The following IQCM variants were observed in gnomAD, a reference collection of about 807,000 sequenced individuals.
IQCM encodes the protein IQ domain-containing protein M.
Under a neutral mutation model 57.6 loss-of-function variants are expected in IQCM, and 45 were observed. The observed-to-expected ratio is 0.78, with a 90% confidence interval of 0.62 to 1.00. The LOEUF (loss-of-function observed/expected upper bound fraction) is 1.00. IQCM is among the 50% of genes least tolerant of loss of function. IQCM has a pLI of 0.00. For synonymous variants in IQCM, 148 were observed against 158.9 expected, an observed-to-expected ratio of 0.93 and a Z score of 0.51; for missense variants, 468 against 511.6, an observed-to-expected ratio of 0.91 and a Z score of 0.82.
intron 2 of IQCM, among the ~76,000 whole-genome samples, chr4:149,807,030 T>A (rs1175030851): frequency 2.0e-5 from 3 of 151,594 alleles, no homozygotes; most frequent in Non-Finnish European, 3.0e-5. Flanking sequence ...AAAATGGAAA[T>A]ATATTTCACA....
chr4:149,454,073 G>C (rs1737413873), intron 12 of IQCM, among the ~76,000 whole-genome samples: 1 of 150,386 alleles, frequency 6.6e-6, no homozygotes, highest in Admixed American at 6.7e-5. Context: ...ACATGCACGT[G>C]TATGTTCATC....
At chr4:149,478,147 T>C (rs1031771616) in intron 12 of IQCM, among the ~76,000 whole-genome samples, 2 of 152,092 alleles carry the variant, frequency 1.3e-5, no homozygotes, top group Non-Finnish European at 2.9e-5. Flanking sequence ...ATTATTAAGA[T>C]AGAGTGAAAA....
intron 12 of IQCM, among the ~76,000 whole-genome samples, chr4:149,460,047 G>C (rs1448926531): frequency 6.6e-6 from 1 of 151,958 alleles, no homozygotes; most frequent in Non-Finnish European, 1.5e-5. Context: ...GGTACACAAG[G>C]GTTCCAATTT....
intron 3 of IQCM, among the ~76,000 whole-genome samples, chr4:149,735,721 A>G (rs1766875309): frequency 6.6e-6 from 1 of 152,178 alleles, no homozygotes. Flanking sequence ...TATAGAAGAT[A>G]TAACAACATG....
chr4:149,652,729 G>C (rs1320642340), intron 7 of IQCM, among the ~76,000 whole-genome samples: 1 of 151,924 alleles, frequency 6.6e-6, no homozygotes, highest in Non-Finnish European at 1.5e-5. Context: ...TAAAGGAAGA[G>C]CTTAAAAGGA....
chr4:149,434,678 C>G (rs1308983267), intron 12 of IQCM, among the ~76,000 whole-genome samples: 1 of 152,020 alleles, frequency 6.6e-6, no homozygotes, highest in Non-Finnish European at 1.5e-5. Flanking sequence ...CCTTTACTGT[C>G]CTGCTTGTGA....
At chr4:149,355,042 G>A (rs2110875702) in intron 13 of IQCM, among the ~76,000 whole-genome samples, 1 of 152,066 alleles carries the variant, frequency 6.6e-6, no homozygotes, top group Non-Finnish European at 1.5e-5. Flanking sequence ...ACATGACTCT[G>A]ATACTTCATA....
At chr4:149,445,665 C>A (rs1266459116) in intron 12 of IQCM, among the ~76,000 whole-genome samples, 1 of 151,660 alleles carries the variant, frequency 6.6e-6, no homozygotes, top group Non-Finnish European at 1.5e-5. Flanking sequence ...ATGACTTCAG[C>A]CTTTTTATCT....
rs909338328 is a variant in IQCM at position 149,684,118 on chromosome 4, T to C, written c.477-1912A>G. ...TAAATGCATTTTGTTGATGGGAAAT[T>C]AAAATTTAGGATGAACCCATATCTA... On this transcript the variant is annotated intron_variant, in intron 6 of 13. Transcript: ENST00000636793. 3.3e-5 allele frequency among the ~76,000 whole-genome samples: 5 copies of C among 151,430 alleles called. No homozygotes were observed. In the East Asian group the frequency reaches 9.7e-4, roughly 29 times the overall value.
chr4:149,425,203 T>C (rs1734382598), intron 13 of IQCM, among the ~76,000 whole-genome samples: 1 of 152,032 alleles, frequency 6.6e-6, no homozygotes, highest in Admixed American at 6.6e-5. Flanking sequence ...TTTACATTAA[T>C]TATACAATTT....
intron 12 of IQCM, among the ~76,000 whole-genome samples, chr4:149,497,392 A>C (rs1444751766): frequency 6.6e-6 from 1 of 152,162 alleles, no homozygotes; most frequent in African/African-American, 2.4e-5. Context: ...GCTGATAAAG[A>C]CACACCTGAG....
At chr4:149,453,746 A>G (rs959870923) in intron 12 of IQCM, among the ~76,000 whole-genome samples, 4 of 151,974 alleles carry the variant, frequency 2.6e-5, no homozygotes, top group African/African-American at 9.7e-5. Context: ...TCGAGAAGTT[A>G]GAACTCTCAT....
chr4:149,780,059 T>G (rs1046547327), intron 2 of IQCM, among the ~76,000 whole-genome samples: 2 of 152,114 alleles, frequency 1.3e-5, no homozygotes, highest in Non-Finnish European at 2.9e-5. Context: ...AATTCTTAGC[T>G]TCAATGAGAT....
chr4:149,775,200 T>C (rs953955941), intron 2 of IQCM, among the ~76,000 whole-genome samples: 3 of 152,166 alleles, frequency 2.0e-5, no homozygotes, highest in Non-Finnish European at 4.4e-5. Context: ...TTACTCATAT[T>C]CTTGAAAATG....
At chr4:149,535,762 A>C (rs975250569) in intron 12 of IQCM, among the ~76,000 whole-genome samples, 3 of 152,094 alleles carry the variant, frequency 2.0e-5, no homozygotes, top group African/African-American at 7.2e-5. Flanking sequence ...GGTTTAAAAA[A>C]TACAGAATGG....
intron 2 of IQCM, among the ~76,000 whole-genome samples, chr4:149,760,010 A>G (rs1769346018): frequency 2.1e-5 from 2 of 93,140 alleles, no homozygotes; most frequent in African/African-American, 9.6e-5. Flanking sequence ...GGTTCTAGAC[A>G]GAAGGAAGGA....
intron 10 of IQCM, among the ~76,000 whole-genome samples, chr4:149,560,763 G>C (rs577232161): frequency 6.6e-6 from 1 of 152,208 alleles, no homozygotes; most frequent in Non-Finnish European, 1.5e-5. Context: ...ACAGTCTCTT[G>C]AGTAATCTTA....
Position 149,563,759 on chromosome 4 carries a change from A to T in IQCM, c.881T>A (p.Val294Asp), listed in dbSNP as rs1750355021. ...CCTGACATGTGCCTGCATGACGGTG[A>T]CCATTCTAATCAATTTTGGGGTAAT... The part of the protein sequence containing the change: ...FMITPKLIRM[V>D]TVMQAHVRGW... The change falls in exon 10 of 14, where the codon GTC becomes GAC. Residue 294 changes from valine (V) to aspartate (D), a missense_variant. Val to Asp is a radical substitution (Grantham distance 152). Transcript: ENST00000636793. 8.1e-7 allele frequency: 1 copy of T among 1,232,014 alleles called. No individual in the cohort carries two copies. The highest frequency in any genetic ancestry group is 1.0e-6 in the Non-Finnish European group (1 of 987,930). 76.3% of individuals were successfully genotyped at this position (1,232,014 alleles called of 1,614,324 possible).
At position 149,455,028 on chromosome 4, in the gene IQCM, G is replaced by A. The variant is rs564212114; in HGVS notation, c.1229-21471C>T. ...CTTAGGATGGTTCAACATAAGATTC[G>A]ACTTACAATTTTTCAACACAATGAT... is the stretch of plus-strand genomic sequence containing the variant. On this transcript the variant is annotated intron_variant, in intron 12 of 13. Coordinates refer to ENST00000636793, the MANE Select transcript of IQCM (RefSeq NM_001363507.2). Among the ~76,000 whole-genome samples, 28 of 152,030 alleles carry A rather than the reference G, an allele frequency of 1.8e-4. No individual in the cohort carries two copies. The South Asian group carries it at 4.6e-3, about 25-fold the overall frequency.
Sources: gnomAD v4.1 joint callset for allele counts (sites outside exome capture counted in the v4.1 genomes callset) on GRCh38, gnomAD v4.1.1 for gene constraint, MANE v1.5 for transcripts, NCBI Gene and HGNC (gene_info 2026-07-23, HGNC 2026-07-21) for gene names.